Variants in SH2D3A observed in about 807,000 individuals in gnomAD.
SH2D3A encodes SH2 domain containing 3A, also known as SH2 domain-containing protein 3A.
A neutral mutation model predicts 50.6 loss-of-function variants in SH2D3A; 46 were observed. The ratio of observed to expected loss-of-function variants is 0.91; its 90% CI spans 0.72 to 1.16. The LOEUF (loss-of-function observed/expected upper bound fraction) is 1.16, where lower values mean the gene tolerates loss of function less well. Among genes scored for constraint, SH2D3A ranks in the 50% most tolerant of loss-of-function variants. The pLI is 0.00. For missense variants in SH2D3A, 783 were observed against 786.2 expected (o/e 1.00, Z 0.05); for synonymous variants, 377 against 348.4 (o/e 1.08, Z -0.91).
At chr19:6,761,954 C>CGA in intron 2 of SH2D3A, among the ~76,000 whole-genome samples, 1 of 67,474 alleles carries the variant, frequency 1.5e-5, no homozygotes, top group African/African-American at 5.2e-5. Flanking sequence ...GTCTCAAAAA[C>CGA]AAAAAAAAAA....
At chr19:6,758,798 G>C (rs1969843457) in intron 4 of SH2D3A, 1 of 152,406 alleles carries the variant, frequency 6.6e-6, no homozygotes, top group African/African-American at 2.4e-5. Flanking sequence ...AATGGGGTTG[G>C]GAGAAGGATG....
rs151024410 is a variant in SH2D3A, at chr19:6,759,604, G to A, written c.486C>T (p.Pro162=). 32 of 1,613,856 alleles carry A rather than the reference G, an allele frequency of 2.0e-5. No homozygotes were observed. The African/African-American group carries it at 2.0e-4, about 10-fold the overall frequency. Residue 162 remains proline (P), a synonymous_variant, in exon 4 of 10, where the codon CCC becomes CCT. Coordinates refer to ENST00000245908, the MANE Select transcript of SH2D3A (RefSeq NM_005490.3). ...CTAGCAGACACTTACCCATCCCAGC[G>A]GGGTCTTCTCTTGACCGCCCCATAT... The part of the protein sequence containing the change: ...LAHMGRSRED[P]AGMEASTMPI...
intron 2 of SH2D3A, 139 bp from the exon 3 acceptor site, chr19:6,761,126 C>A: frequency 1.5e-6 from 1 of 666,082 alleles, no homozygotes; most frequent in East Asian, 2.7e-5. Context: ...AGACGGGGAA[C>A]TTTCACACCA....
At chr19:6,753,056 G>C (rs1212163535) in intron 9 of SH2D3A, 1 of 985,360 alleles carries the variant, frequency 1.0e-6, no homozygotes, top group Non-Finnish European at 1.2e-6. Context: ...CCCGAGGACG[G>C]GATCCCAGGT....
intron 8 of SH2D3A, 118 bp from the exon 9 acceptor site, chr19:6,753,759 G>T (rs1188701140): frequency 2.6e-6 from 3 of 1,140,982 alleles, no homozygotes; most frequent in Non-Finnish European, 3.6e-6. Flanking sequence ...GGGGTCTGTG[G>T]AGAGGGGCCA....
At position 6,760,859 on chromosome 19, in the gene SH2D3A, G is replaced by A. The variant is rs1262932249; in HGVS notation, c.198C>T (p.Ala66=). Residue 66 remains alanine, a synonymous_variant, in exon 3 of 10, where the codon GCC becomes GCT. Coordinates refer to ENST00000245908, the MANE Select transcript of SH2D3A (RefSeq NM_005490.3). ...SALHFEVFRV[A]LRPRPGRPTA... is the part of the protein sequence containing the mutation. ...TGGGTCGGCCTGGCCGGGGACGCAG[G>A]GCCACACGGAACACCTCAAAATGGA... The A allele has an allele frequency of 3.7e-6, 6 of 1,614,160 alleles. No homozygotes were observed. Among genetic ancestry groups the A allele is most frequent in the Non-Finnish European group, 4.2e-6 (5 of 1,180,062 alleles).
At chr19:6,762,812 C>T (rs938382792) in intron 2 of SH2D3A, among the ~76,000 whole-genome samples, 3 of 151,164 alleles carry the variant, frequency 2.0e-5, no homozygotes, top group Non-Finnish European at 3.0e-5. Context: ...AGCCAACATG[C>T]CTGGCCTGCT....
At chr19:6,765,037 C>T (rs1970236980) in intron 1 of SH2D3A, among the ~76,000 whole-genome samples, 1 of 151,700 alleles carries the variant, frequency 6.6e-6, no homozygotes, top group Admixed American at 6.6e-5. Flanking sequence ...GCCACCATGC[C>T]TGGCTAATTT....
chr19:6,761,191 T>G, intron 2 of SH2D3A: 1 of 577,086 alleles, frequency 1.7e-6, no homozygotes, highest in Non-Finnish European at 3.1e-6. Context: ...CCAGGTTCCC[T>G]TGCGGCTAGG....
chr19:6,752,567 G>A lies in SH2D3A; in HGVS notation c.*26C>T. On this transcript the variant is annotated 3_prime_UTR_variant, in exon 10 of 10. Coordinates refer to ENST00000245908, the MANE Select transcript of SH2D3A (RefSeq NM_005490.3). ...GGGTTCGCAAAAACCTGGGGGTCCC[G>A]GGTGTGAAGAAGGGTGTCTGCGCTC... The A allele has an allele frequency of 1.3e-6, 2 of 1,505,430 alleles. No homozygotes were observed. The highest frequency in any genetic ancestry group is 1.4e-5 in the African/African-American group (1 of 72,306). 93.3% of individuals were successfully genotyped at this position (1,505,430 alleles called of 1,614,324 possible).
chr19:6,754,563 G>A, intron 6 of SH2D3A, 53 bp downstream of exon 6: 1 of 1,609,640 alleles, frequency 6.2e-7, no homozygotes, highest in South Asian at 1.1e-5. Flanking sequence ...GGAGATCTTG[G>A]GAAGTGGGGG....
chr19:6,755,253 C>G lies in SH2D3A; in HGVS notation c.559G>C (p.Ala187Pro). ...RTSSDPVLLKAPAPLGTVADS... is the reference protein window; with the variant it reads ...RTSSDPVLLKPPAPLGTVADS... ...GCAACAGTTCCCAGGGGAGCAGGGGCCTTCAGCAACACCGGGTCACTGCTC... is the reference window on the plus strand; with the variant it reads ...GCAACAGTTCCCAGGGGAGCAGGGGGCTTCAGCAACACCGGGTCACTGCTC... Residue 187 changes from alanine (A) to proline (P), a missense_variant, in exon 5 of 10, where the codon GCC (alanine) becomes CCC (proline). Coordinates refer to ENST00000245908, the MANE Select transcript of SH2D3A (RefSeq NM_005490.3). 1 of 1,529,532 alleles carries G rather than the reference C, an allele frequency of 6.5e-7. No homozygotes were observed. Among genetic ancestry groups the G allele is most frequent in the Non-Finnish European group, 8.8e-7 (1 of 1,138,570 alleles). The allele number at this position is 1,529,532 out of a possible 1,614,324, so 94.7% of individuals were successfully genotyped here.
intron 9 of SH2D3A, 154 bp from the exon 10 acceptor site, chr19:6,752,907 G>A (rs1969401823): frequency 1.0e-6 from 1 of 985,432 alleles, no homozygotes; most frequent in Non-Finnish European, 1.2e-6. Context: ...CGGGGTCAGA[G>A]GGGAGGGGGC....
Position 6,752,751 on chromosome 19 carries a change from A to G in SH2D3A, c.1573T>C (p.Phe525Leu). ...RKVAAQRLRGFRPNPELREAL... is the reference protein window; with the variant it reads ...RKVAAQRLRGLRPNPELREAL... The stretch of plus-strand genomic sequence containing the variant: ...TCCCTCAGCTCCGGGTTAGGCCGGA[A>G]TCCTGGAAGCAAGGTCAGGTGGGCT... The change falls in exon 10 of 10, where the codon TTC becomes CTC. Residue 525 changes from phenylalanine (F) to leucine (L), a missense_variant and splice_region_variant. Phe to Leu is a conservative substitution (Grantham distance 22, BLOSUM62 0). Coordinates refer to ENST00000245908, the MANE Select transcript of SH2D3A (RefSeq NM_005490.3). 6.5e-7 allele frequency: 1 copy of G among 1,533,320 alleles called. No individual in the cohort carries two copies. Among genetic ancestry groups the G allele is most frequent in the Non-Finnish European group, 8.8e-7 (1 of 1,135,258 alleles). The allele number at this position is 1,533,320 out of a possible 1,614,324, so 95.0% of individuals were successfully genotyped here. A position where few individuals can be genotyped will look rare whatever the true frequency, so the allele number is the denominator to read the frequency against.
At chr19:6,761,472 T>C (rs1054040407) in intron 2 of SH2D3A, among the ~76,000 whole-genome samples, 2 of 152,324 alleles carry the variant, frequency 1.3e-5, no homozygotes, top group South Asian at 2.1e-4. Context: ...ATCTTGGGAA[T>C]GTTTGTTACA....
At chr19:6,762,502 C>CTTT (rs35272482) in intron 2 of SH2D3A, among the ~76,000 whole-genome samples, 39 of 98,826 alleles carry the variant, frequency 3.9e-4, no homozygotes, top group African/African-American at 5.2e-4. Context: ...TTCTTCCGGC[C>CTTT]TTTTTTTTTT....
chr19:6,763,903 A>T (rs28713318), intron 1 of SH2D3A, 87 bp from the exon 2 acceptor site: 5,749 of 266,802 alleles, frequency 0.022, 346 homozygotes, highest in African/African-American at 0.14. Context: ...GCTCCATCAA[A>T]TCTTTTTTTT....
intron 3 of SH2D3A, among the ~76,000 whole-genome samples, chr19:6,760,425 G>A (rs182664587): frequency 3.2e-4 from 49 of 152,094 alleles, no homozygotes; most frequent in African/African-American, 1.2e-3. Flanking sequence ...GGGCGTGGTG[G>A]TGCACTCCTG....
Position 6,752,697 on chromosome 19 carries a change from G to A in SH2D3A, c.1627C>T (p.Leu543=). ...CCCGCGCCCCGGCTACCCCAGAGCA[G>A]CCTCCGCACGAAGCCGGTGGTCAGG... ...EALTTGFVRR[L]LWGSRGAGAP... The change falls in exon 10 of 10, where the codon CTG becomes TTG. Residue 543 remains leucine, a synonymous_variant. Coordinates refer to ENST00000245908, the MANE Select transcript of SH2D3A (RefSeq NM_005490.3). 1 of 1,552,268 alleles carries A rather than the reference G, an allele frequency of 6.4e-7. No individual in the cohort carries two copies. The highest frequency in any genetic ancestry group is 8.7e-7 in the Non-Finnish European group (1 of 1,147,636).
Sources: allele counts gnomAD v4.1 joint callset (sites outside exome capture counted in the v4.1 genomes callset), GRCh38; gene constraint gnomAD v4.1.1; transcripts MANE v1.5; gene names NCBI Gene and HGNC (gene_info 2026-07-23, HGNC 2026-07-21).